Variants in PANK2 observed in about 807,000 individuals in gnomAD.
PANK2 encodes pantothenate kinase 2, mitochondrial.
Under a neutral mutation model 43.1 loss-of-function variants are expected in PANK2, and 36 were observed. That is an observed-to-expected ratio of 0.84 (90% CI 0.64 to 1.10). The LOEUF (loss-of-function observed/expected upper bound fraction) is 1.10. Among genes scored for constraint, PANK2 ranks in the 50% least tolerant of loss-of-function variants. The pLI is 0.00. For synonymous variants in PANK2, 281 were observed against 238.2 expected, an observed-to-expected ratio of 1.18 and a Z score of -1.66; for missense variants, 576 against 593.3, an observed-to-expected ratio of 0.97 and a Z score of 0.30.
chr20:3,908,364 C>T, intron 2 of PANK2, 86 bp downstream of exon 2: 1 of 1,243,052 alleles, frequency 8.0e-7, no homozygotes, highest in Non-Finnish European at 1.1e-6. Context: ...TAATTTCCAT[C>T]TCTAATGGAA....
chr20:3,910,319 T>G (rs1007266315), intron 2 of PANK2, among the ~76,000 whole-genome samples: 1 of 151,330 alleles, frequency 6.6e-6, no homozygotes, highest in African/African-American at 2.4e-5. Flanking sequence ...TTTTTTTTGT[T>G]TTTTTTTTGG....
intron 1 of PANK2, among the ~76,000 whole-genome samples, chr20:3,901,974 G>GT (rs1403119550): frequency 1.3e-5 from 2 of 151,840 alleles, no homozygotes; most frequent in Admixed American, 1.3e-4. Context: ...TAGGAATTCA[G>GT]TTTTTTCCTT....
chr20:3,914,240 A>G (rs973358917), intron 4 of PANK2, among the ~76,000 whole-genome samples: 2 of 151,970 alleles, frequency 1.3e-5, no homozygotes, highest in Non-Finnish European at 2.9e-5. Context: ...ATGAGCGTTT[A>G]TATTTCTTGT....
intron 1 of PANK2, among the ~76,000 whole-genome samples, chr20:3,896,583 C>G (rs148408957): frequency 6.6e-6 from 1 of 152,040 alleles, no homozygotes; most frequent in African/African-American, 2.4e-5. Context: ...TTGGGACTTT[C>G]ACTCCTCTCC....
At chr20:3,901,848 A>G (rs1023921522) in intron 1 of PANK2, among the ~76,000 whole-genome samples, 2 of 152,070 alleles carry the variant, frequency 1.3e-5, no homozygotes, top group Non-Finnish European at 2.9e-5. Flanking sequence ...TTGGCTGGAT[A>G]TAAGTTTCAA....
intron 1 of PANK2, among the ~76,000 whole-genome samples, chr20:3,892,315 G>C (rs2090135187): frequency 6.7e-6 from 1 of 148,274 alleles, no homozygotes; most frequent in South Asian, 2.1e-4. Flanking sequence ...GTGCACTGCA[G>C]CCTGTATGAT....
chr20:3,890,068 C>T (rs1469901966), intron 1 of PANK2: 29 of 591,296 alleles, frequency 4.9e-5, no homozygotes, highest in Middle Eastern at 6.7e-4. Flanking sequence ...CTCATTTCCA[C>T]CTCCTTTCCT....
intron 1 of PANK2, among the ~76,000 whole-genome samples, chr20:3,900,666 G>C (rs1448282922): frequency 6.6e-6 from 1 of 151,740 alleles, no homozygotes; most frequent in East Asian, 1.9e-4. Context: ...CCTAATTCCT[G>C]GTTAAGCTCA....
chr20:3,923,876 A>G lies in PANK2; in HGVS notation c.*582A>G, dbSNP rs1297056053. ...GGGCAGTTCCACGTTACTTTACACT[A>G]AATCCTGGGAATGAATGTCTGGAGA... On this transcript the variant is annotated 3_prime_UTR_variant, in exon 7 of 7. Transcript: ENST00000610179. 1.3e-5 allele frequency: 2 copies of G among 155,964 alleles called. No individual in the cohort carries two copies. Among genetic ancestry groups the G allele is most frequent in the Admixed American group, 6.2e-5 (1 of 16,050 alleles). The allele number at this position is 155,964 out of a possible 1,614,324, so 9.7% of individuals were successfully genotyped here. A position where few individuals can be genotyped will look rare whatever the true frequency, so the allele number is the denominator to read the frequency against.
chr20:3,889,651 G>A lies in PANK2; in HGVS notation c.221G>A (p.Arg74Gln), dbSNP rs754869657. 2.5e-6 allele frequency: 4 copies of A among 1,585,972 alleles called. No homozygotes were observed. The highest frequency in any genetic ancestry group is 1.9e-4 in the Middle Eastern group (1 of 5,326). ...GGGGCCTCGGCTGAGGGCACGAGGCGGGATCGACTGGGCTCTTACAGCGGC... is the reference window on the plus strand; with the variant it reads ...GGGGCCTCGGCTGAGGGCACGAGGCAGGATCGACTGGGCTCTTACAGCGGC... The change falls in exon 1 of 7, where the codon CGG becomes CAG. Residue 74 changes from arginine to glutamine, a missense_variant. Around this residue, in one of 2 missense-constraint regions of PANK2, gnomAD observed 544 missense variants for 528.9 expected, o/e 1.03. Transcript: ENST00000610179.
intron 4 of PANK2, among the ~76,000 whole-genome samples, chr20:3,915,786 T>C (rs908680021): frequency 6.6e-6 from 1 of 152,222 alleles, no homozygotes; most frequent in African/African-American, 2.4e-5. Flanking sequence ...TAGTTGACCA[T>C]AGATGTTTGG....
intron 1 of PANK2, among the ~76,000 whole-genome samples, chr20:3,896,359 T>G (rs1032356640): frequency 6.6e-6 from 1 of 151,642 alleles, no homozygotes; most frequent in Non-Finnish European, 1.5e-5. Context: ...ATTACAAGCG[T>G]GAGCCACCAT....
At chr20:3,899,879 T>C (rs1156986318) in intron 1 of PANK2, among the ~76,000 whole-genome samples, 1 of 151,782 alleles carries the variant, frequency 6.6e-6, no homozygotes, top group Non-Finnish European at 1.5e-5. Context: ...GGCTAATGTT[T>C]TGTATTTTTA....
chr20:3,909,402 A>T (rs2090435035), intron 2 of PANK2, among the ~76,000 whole-genome samples: 1 of 151,120 alleles, frequency 6.6e-6, no homozygotes. Context: ...GTTATTCTGC[A>T]TGTCTTTTAG....
intron 1 of PANK2, chr20:3,890,021 G>A: frequency 9.1e-7 from 1 of 1,095,348 alleles, no homozygotes; most frequent in Non-Finnish European, 1.3e-6. Flanking sequence ...TCTTCCTGAG[G>A]GTCACATGAT....
rs750671044 is a variant in PANK2, at chr20:3,916,914, T to G, written c.1083-13T>G. The G allele has an allele frequency of 6.2e-7, 1 of 1,609,550 alleles. No homozygotes were observed. The highest frequency in any genetic ancestry group is 1.7e-5 in the Admixed American group (1 of 59,844). On this transcript the variant is annotated splice_polypyrimidine_tract_variant and intron_variant, in intron 4 of 6. Transcript: ENST00000610179. ...GTTGGTTTAGCAATGGGATTTTTTTTCCCCCATCACAGCTTTGGAAACATG... is the reference window on the plus strand; with the variant it reads ...GTTGGTTTAGCAATGGGATTTTTTTGCCCCCATCACAGCTTTGGAAACATG...
At chr20:3,888,900 C>CT (rs2090057846), upstream of PANK2, 4 of 552,292 alleles carry the variant, frequency 7.2e-6, no homozygotes, top group Non-Finnish European at 1.3e-5. Context: ...GGGACAAAGG[C>CT]TAAGGTCAGC....
At chr20:3,890,732 C>CA (rs2090110099) in intron 1 of PANK2, among the ~76,000 whole-genome samples, 1 of 152,240 alleles carries the variant, frequency 6.6e-6, no homozygotes, top group African/African-American at 2.4e-5. Flanking sequence ...TTAGCCCAGT[C>CA]ACCCAACTGC....
chr20:3,893,923 TG>T (rs746693731), intron 1 of PANK2, among the ~76,000 whole-genome samples: 4 of 98,598 alleles, frequency 4.1e-5, no homozygotes, highest in African/African-American at 1.1e-4. Context: ...TTTTTTTGTT[TG>T]TTTTTTGTTT....
Sources: gnomAD v4.1 joint callset for allele counts (sites outside exome capture counted in the v4.1 genomes callset) on GRCh38, gnomAD v4.1.1 for gene constraint, gnomAD v4.1.1 regional missense constraint, MANE v1.5 for transcripts, NCBI Gene and HGNC (gene_info 2026-07-23, HGNC 2026-07-21) for gene names.